The following RTL4 variants were observed in gnomAD, a reference collection of about 807,000 sequenced individuals.
RTL4 encodes retrotransposon Gag-like protein 4.
RTL4 carries 4 observed loss-of-function variants against 5.3 expected under a neutral mutation model. The ratio of observed to expected loss-of-function variants is 0.75; its 90% CI spans 0.37 to 1.72. The LOEUF (loss-of-function observed/expected upper bound fraction) is 1.72. Ranked by LOEUF, RTL4 falls within the 40% of genes most tolerant of loss-of-function variation. The pLI is 0.04. For missense variants in RTL4, 260 were observed against 227.1 expected (o/e 1.14, Z -0.93); for synonymous variants, 98 against 87.3 (o/e 1.12, Z -0.68).
At chrX:112,321,237 A>C in the RTL4 span, among the ~76,000 whole-genome samples, 1 of 111,979 alleles carries the variant, frequency 8.9e-6, no homozygotes, top group Non-Finnish European at 1.9e-5. Flanking sequence ...CATTGTATTA[A>C]AATAGAAAAT....
chrX:112,230,452 G>C, the RTL4 span, among the ~76,000 whole-genome samples: 3 of 112,332 alleles, frequency 2.7e-5, no homozygotes, highest in Non-Finnish European at 3.8e-5. Flanking sequence ...CTAGGAAAGG[G>C]AATTCCCTGA....
chrX:112,204,580 A>G, the RTL4 span, among the ~76,000 whole-genome samples: 1 of 111,985 alleles, frequency 8.9e-6, no homozygotes, highest in South Asian at 3.7e-4. Context: ...AAAGACAAAC[A>G]TCTCATGTTC....
chrX:112,424,523 T>G, the RTL4 span, among the ~76,000 whole-genome samples: 1 of 111,263 alleles, frequency 9.0e-6, no homozygotes, highest in South Asian at 3.8e-4. Context: ...ACCCAAGACA[T>G]GAATCTTTCA....
chrX:112,221,326 A>G, the RTL4 span, among the ~76,000 whole-genome samples: 1 of 111,774 alleles, frequency 8.9e-6, no homozygotes. Context: ...CTCTCCCTCA[A>G]CACCTGGGGA....
At chrX:112,084,620 G>C in the RTL4 span, among the ~76,000 whole-genome samples, 1 of 111,175 alleles carries the variant, frequency 9.0e-6, no homozygotes, top group Non-Finnish European at 1.9e-5. Context: ...TGATTAAGCC[G>C]TCTTCCCTTT....
the RTL4 span, among the ~76,000 whole-genome samples, chrX:112,404,935 GA>G: frequency 1.4e-4 from 16 of 112,160 alleles, no homozygotes; most frequent in African/African-American, 5.2e-4. Flanking sequence ...TCACCCAGGT[GA>G]TGCAGATTCC....
chrX:112,136,920 A>G, the RTL4 span, among the ~76,000 whole-genome samples: 2 of 112,095 alleles, frequency 1.8e-5, no homozygotes, highest in Non-Finnish European at 3.8e-5. Flanking sequence ...AGAAGAAAAC[A>G]TAAGGAAAAT....
At chrX:112,240,508 G>T in the RTL4 span, among the ~76,000 whole-genome samples, 41 of 111,295 alleles carry the variant, frequency 3.7e-4, no homozygotes, top group African/African-American at 1.3e-3. Flanking sequence ...ACACAAAGCT[G>T]ATTTTATAAT....
the RTL4 span, among the ~76,000 whole-genome samples, chrX:112,402,401 TGTGTG>T: frequency 0.073 from 683 of 9,307 alleles, 3 homozygotes; most frequent in African/African-American, 0.24. Flanking sequence ...GAATTATTAT[TGTGTG>T]TGTGTGTGTG....
At chrX:112,339,721 A>G in the RTL4 span, among the ~76,000 whole-genome samples, 571 of 112,536 alleles carry the variant, frequency 5.1e-3, 3 homozygotes, top group African/African-American at 0.018. Flanking sequence ...GTGCAGGAAA[A>G]CTGCAGGATG....
At chrX:112,117,564 A>G in the RTL4 span, among the ~76,000 whole-genome samples, 1 of 111,639 alleles carries the variant, frequency 9.0e-6, no homozygotes, top group East Asian at 2.8e-4. Flanking sequence ...ATTCACAAGA[A>G]AGAAAATAAA....
the RTL4 span, among the ~76,000 whole-genome samples, chrX:112,225,212 G>C: frequency 9.0e-6 from 1 of 111,243 alleles, no homozygotes; most frequent in Non-Finnish European, 1.9e-5. Flanking sequence ...TGCATTCCAC[G>C]CTCCAAACCT....
chrX:112,346,652 G>A, the RTL4 span, among the ~76,000 whole-genome samples: 1 of 111,113 alleles, frequency 9.0e-6, no homozygotes, highest in Non-Finnish European at 1.9e-5. Context: ...CACAATGAAG[G>A]AATGGGTTTA....
chrX:112,383,681 C>T, the RTL4 span, among the ~76,000 whole-genome samples: 1 of 111,917 alleles, frequency 8.9e-6, no homozygotes, highest in South Asian at 3.7e-4. Flanking sequence ...AGTGAAATCA[C>T]ATCCTTTGCA....
chrX:112,418,183 T>G, the RTL4 span, among the ~76,000 whole-genome samples: 2 of 111,705 alleles, frequency 1.8e-5, no homozygotes, highest in African/African-American at 3.3e-5. Context: ...AAAATTTGGT[T>G]GTTGTGATTG....
chrX:112,169,532 T>C, the RTL4 span, among the ~76,000 whole-genome samples: 1 of 111,013 alleles, frequency 9.0e-6, no homozygotes, highest in African/African-American at 3.3e-5. Flanking sequence ...AATCTTGGTG[T>C]AAAAAAAGAG....
chrX:112,108,053 A>T, the RTL4 span, among the ~76,000 whole-genome samples: 1 of 111,098 alleles, frequency 9.0e-6, no homozygotes, highest in Non-Finnish European at 1.9e-5. Flanking sequence ...CCTGTCTTCA[A>T]GTTCACAGAT....
At chrX:112,219,652 G>A in the RTL4 span, among the ~76,000 whole-genome samples, 5 of 112,159 alleles carry the variant, frequency 4.5e-5, no homozygotes, top group African/African-American at 1.6e-4. Context: ...AAAAAATGAT[G>A]TCCATTATCA....
At chrX:112,116,638 C>G in the RTL4 span, among the ~76,000 whole-genome samples, 479 of 111,593 alleles carry the variant, frequency 4.3e-3, 4 homozygotes, top group African/African-American at 0.014. Flanking sequence ...AGACCTCTAG[C>G]TAGCTACAGA....
Sources: gnomAD v4.1 joint callset for allele counts (sites outside exome capture counted in the v4.1 genomes callset) on GRCh38, gnomAD v4.1.1 for gene constraint, MANE v1.5 for transcripts, NCBI Gene and HGNC (gene_info 2026-07-23, HGNC 2026-07-21) for gene names.